The following SPATA22 variants were observed in gnomAD, a reference collection of about 807,000 sequenced individuals.
SPATA22 encodes the protein spermatogenesis associated 22, also known as spermatogenesis-associated protein 22.
Under a neutral mutation model 47.8 loss-of-function variants are expected in SPATA22, and 29 were observed. That is an observed-to-expected ratio of 0.61 (90% CI 0.45 to 0.83). The LOEUF (loss-of-function observed/expected upper bound fraction) is 0.83, where lower values mean the gene tolerates loss of function less well. SPATA22 is among the 40% of genes least tolerant of loss of function. The pLI is 0.00. For synonymous variants in SPATA22, 133 were observed against 140.9 expected, an observed-to-expected ratio of 0.94 and a Z score of 0.40; for missense variants, 410 against 421.7, an observed-to-expected ratio of 0.97 and a Z score of 0.24.
intron 5 of SPATA22, among the ~76,000 whole-genome samples, chr17:3,459,324 A>G (rs966712699): frequency 2.0e-5 from 3 of 152,220 alleles, no homozygotes; most frequent in Admixed American, 2.0e-4. Context: ...TGGATATGTT[A>G]ATTAGCTTGA....
chr17:3,472,254 C>T (rs2073453172), upstream of SPATA22: 1 of 152,404 alleles, frequency 6.6e-6, no homozygotes, highest in South Asian at 2.1e-4. Context: ...AGGCTGGGGA[C>T]AGAGCTGAAG....
upstream of SPATA22, chr17:3,476,436 T>C: frequency 6.3e-7 from 1 of 1,580,148 alleles, no homozygotes; most frequent in Non-Finnish European, 8.7e-7. Flanking sequence ...GTATGTTGTG[T>C]GAAAAGTGGT....
chr17:3,441,813 C>T (rs1597383263), intron 8 of SPATA22: 1 of 143,830 alleles, frequency 7.0e-6, no homozygotes. Context: ...TTATACATAG[C>T]AATATAAATG....
intron 7 of SPATA22, among the ~76,000 whole-genome samples, chr17:3,445,483 C>T (rs561748271): frequency 6.8e-4 from 104 of 152,204 alleles, no homozygotes; most frequent in African/African-American, 2.4e-3. Flanking sequence ...CCAGCCAACA[C>T]CTTGATTTTA....
intron 1 of SPATA22, among the ~76,000 whole-genome samples, chr17:3,482,163 T>A (rs2073642626): frequency 6.6e-6 from 1 of 152,170 alleles, no homozygotes; most frequent in Admixed American, 6.5e-5. Context: ...GTCAATTTGT[T>A]AAAACCAAGT....
intron 1 of SPATA22, among the ~76,000 whole-genome samples, chr17:3,480,601 A>G (rs1320662512): frequency 6.6e-6 from 1 of 152,212 alleles, no homozygotes; most frequent in Non-Finnish European, 1.5e-5. Context: ...TATCCCCAGG[A>G]GCAATTTCAG....
chr17:3,507,076 C>T (rs1463573385), intron 1 of SPATA22, among the ~76,000 whole-genome samples: 2 of 151,934 alleles, frequency 1.3e-5, no homozygotes, highest in African/African-American at 4.8e-5. Flanking sequence ...CAAATAAATT[C>T]ACAGGTTTGG....
chr17:3,471,732 T>C lies in SPATA22; in HGVS notation c.-124A>G. 3 of 985,504 alleles carry C rather than the reference T, an allele frequency of 3.0e-6. No individual in the cohort carries two copies. The highest frequency in any genetic ancestry group is 1.7e-5 in the African/African-American group (1 of 57,360). The allele number at this position is 985,504 out of a possible 1,614,324, so 61.0% of individuals were successfully genotyped here. On this transcript the variant is annotated 5_prime_UTR_variant, in exon 1 of 9. Transcript: ENST00000572969. ...CCAACACGACACACAACTTTCGCCC[T>C]CAGTTTCCCTCGCCTCCGTCAACCG...
upstream of SPATA22, chr17:3,475,989 C>T (rs148112982): frequency 1.1e-4 from 70 of 642,214 alleles, no homozygotes; most frequent in East Asian, 1.4e-3. Context: ...TGTCCATAAA[C>T]GGGGCTCAGA....
At chr17:3,470,729 C>G (rs199874267) in intron 1 of SPATA22, among the ~76,000 whole-genome samples, 1 of 147,806 alleles carries the variant, frequency 6.8e-6, no homozygotes, top group East Asian at 2.0e-4. Flanking sequence ...CCAGCCTGGG[C>G]GACAGAGCGA....
chr17:3,458,916 A>C (rs1441722794), intron 5 of SPATA22, among the ~76,000 whole-genome samples: 1 of 151,700 alleles, frequency 6.6e-6, no homozygotes, highest in African/African-American at 2.4e-5. Context: ...TGACAGATAA[A>C]TGGACTAACA....
At chr17:3,472,441 A>T (rs769913413), upstream of SPATA22, 1 of 152,536 alleles carries the variant, frequency 6.6e-6, no homozygotes, top group Non-Finnish European at 1.5e-5. Flanking sequence ...AGGACTGTGG[A>T]TTCCTGGCCC....
chr17:3,451,053 G>C (rs540030547), intron 5 of SPATA22, among the ~76,000 whole-genome samples: 2 of 152,312 alleles, frequency 1.3e-5, no homozygotes, highest in East Asian at 1.9e-4. Context: ...ACTGTATGCT[G>C]TCTACAATGA....
intron 1 of SPATA22, among the ~76,000 whole-genome samples, chr17:3,495,109 T>G (rs561529838): frequency 3.2e-4 from 48 of 151,226 alleles, no homozygotes; most frequent in Admixed American, 1.2e-3. Context: ...AAAAGGCTCT[T>G]GAGAGAATGT....
chr17:3,478,194 A>T (rs1971292), intron 1 of SPATA22, among the ~76,000 whole-genome samples: 94,098 of 150,978 alleles, frequency 0.62, 29,523 homozygotes, highest in East Asian at 0.69. Flanking sequence ...CAAAAAAAAA[A>T]ATATATATAT....
rs182282969 is a variant in SPATA22 at position 3,498,691 on chromosome 17, G to A, written c.-74+14721C>T. Among the ~76,000 whole-genome samples, 3 of 152,236 alleles carry A rather than the reference G, an allele frequency of 2.0e-5. No homozygotes were observed. In the East Asian group the frequency reaches 5.8e-4, roughly 29 times the overall value. ...ACGTTTCAATTATACAAATGCAAAG[G>A]GGAACTCTTAAAACTACTGCCAAAA... is the stretch of plus-strand genomic sequence containing the variant. On this transcript the variant is annotated intron_variant, in intron 1 of 8. Coordinates refer to the SPATA22 transcript ENST00000541913.
At chr17:3,452,726 TA>T (rs1464409453) in intron 5 of SPATA22, among the ~76,000 whole-genome samples, 9 of 151,856 alleles carry the variant, frequency 5.9e-5, no homozygotes, top group African/African-American at 2.2e-4. Context: ...TTCTCAGAAA[TA>T]AAAAAGATCA....
At chr17:3,452,022 T>A (rs932477766) in intron 5 of SPATA22, among the ~76,000 whole-genome samples, 3 of 142,890 alleles carry the variant, frequency 2.1e-5, no homozygotes, top group Admixed American at 2.1e-4. Flanking sequence ...TCTTGAACAA[T>A]CATTGATCAA....
rs77023123 is a variant in SPATA22, at chr17:3,513,852, C to G, written c.-514G>C. ...CACCATCCCTCAAAGCCTCTCTGCA[C>G]AGAGTCGGTGACTCCGCCTGCAGCG... On this transcript the variant is annotated 5_prime_UTR_variant, in exon 1 of 9. Transcript: ENST00000541913. The G allele has an allele frequency of 3.0e-6, 4 of 1,337,648 alleles. No homozygotes were observed. The South Asian group carries it at 3.6e-5, about 12-fold the overall frequency. The allele number at this position is 1,337,648 out of a possible 1,614,324, so 82.9% of individuals were successfully genotyped here. A position where few individuals can be genotyped will look rare whatever the true frequency, so the allele number is the denominator to read the frequency against.
Sources: gnomAD v4.1 joint callset for allele counts (sites outside exome capture counted in the v4.1 genomes callset) on GRCh38, gnomAD v4.1.1 for gene constraint, MANE v1.5 for transcripts, NCBI Gene and HGNC (gene_info 2026-07-23, HGNC 2026-07-21) for gene names.